Variants in CFTR observed in about 807,000 individuals in gnomAD.
The protein encoded by CFTR is cystic fibrosis transmembrane conductance regulator.
A neutral mutation model predicts 171.6 loss-of-function variants in CFTR; 181 were observed. That is an observed-to-expected ratio of 1.05 (90% CI 0.93 to 1.19). The LOEUF (loss-of-function observed/expected upper bound fraction) is 1.19. Among genes scored for constraint, CFTR ranks in the 50% most tolerant of loss-of-function variants. The pLI is 0.00. For missense variants in CFTR, 1,968 were observed against 1,734.7 expected, an observed-to-expected ratio of 1.13 and a Z score of -2.39; for synonymous variants, 583 against 608.0, an observed-to-expected ratio of 0.96 and a Z score of 0.60.
At chr7:117,600,677 T>C (rs1792209139) in intron 15 of CFTR, among the ~76,000 whole-genome samples, 3 of 152,026 alleles carry the variant, frequency 2.0e-5, no homozygotes, top group South Asian at 4.1e-4. Context: ...TTGTGAAGCA[T>C]TGAAATCTGG....
chr7:117,555,466 A>T (rs1280178631), intron 10 of CFTR, among the ~76,000 whole-genome samples: 1 of 152,216 alleles, frequency 6.6e-6, no homozygotes, highest in Non-Finnish European at 1.5e-5. Flanking sequence ...GATGCTAATC[A>T]TCTCCGTGTG....
chr7:117,553,224 GACAC>G lies in CFTR; in HGVS notation c.1392+4421_1392+4424del, dbSNP rs375658005. ...ATTTTGTTATAGCAGCCTGAACAAG[GACAC>G]ACACACACACACACACACATGCACA... On this transcript the variant is annotated intron_variant, in intron 10 of 26. Coordinates refer to ENST00000003084, the MANE Select transcript of CFTR (RefSeq NM_000492.4). 4.0e-5 allele frequency among the ~76,000 whole-genome samples: 6 copies of G among 148,968 alleles called. No individual in the cohort carries two copies. In the Admixed American group the frequency reaches 4.0e-4, roughly 10 times the overall value.
intron 3 of CFTR, among the ~76,000 whole-genome samples, chr7:117,529,720 G>T (rs558972422): frequency 6.6e-6 from 1 of 152,170 alleles, no homozygotes; most frequent in African/African-American, 2.4e-5. Flanking sequence ...GAATGATGGG[G>T]CTGGAGGTAT....
chr7:117,565,009 C>G (rs967239099), intron 11 of CFTR, among the ~76,000 whole-genome samples: 1 of 152,206 alleles, frequency 6.6e-6, no homozygotes, highest in Non-Finnish European at 1.5e-5. Context: ...CCTCCTCTTT[C>G]ATAAACAGCT....
intron 10 of CFTR, 52 bp from the exon 11 acceptor site, chr7:117,559,412 A>G: frequency 8.5e-7 from 1 of 1,172,808 alleles, no homozygotes; most frequent in Non-Finnish European, 1.3e-6. Context: ...GAGGCAAGTG[A>G]ATCCTGAGCG....
intron 11 of CFTR, among the ~76,000 whole-genome samples, chr7:117,573,059 GC>G (rs1791719453): frequency 1.1e-5 from 1 of 87,252 alleles, no homozygotes; most frequent in Non-Finnish European, 2.7e-5. Context: ...TCTCTCTCTT[GC>G]TCTCTCTCTC....
intron 11 of CFTR, among the ~76,000 whole-genome samples, chr7:117,565,106 A>G (rs1488064886): frequency 2.6e-5 from 4 of 152,170 alleles, no homozygotes; most frequent in Non-Finnish European, 4.4e-5. Flanking sequence ...TTAAAATACT[A>G]TTACGTATCC....
At chr7:117,560,648 T>A (rs1341768055) in intron 11 of CFTR, 2 of 152,086 alleles carry the variant, frequency 1.3e-5, no homozygotes, top group East Asian at 1.9e-4. Context: ...TTCAACAGTT[T>A]TTTTTTTAGA....
At chr7:117,588,108 C>T (rs1172915112) in intron 12 of CFTR, among the ~76,000 whole-genome samples, 1 of 151,956 alleles carries the variant, frequency 6.6e-6, no homozygotes, top group Non-Finnish European at 1.5e-5. Context: ...AAATGGAAAA[C>T]TCTAGGATTC....
In CFTR at chr7:117,568,821, C is replaced by T. The variant is rs904799300; in HGVS notation, c.1584+9166C>T. Among the ~76,000 whole-genome samples, 15 of 152,206 alleles carry T rather than the reference C, an allele frequency of 9.9e-5. No homozygotes were observed. The South Asian group carries it at 1.7e-3, about 17-fold the overall frequency. ...TTACATTTGTTACCAACTATAGTGG[C>T]CACACTATACAATAGAGCTCCAGGA... On this transcript the variant is annotated intron_variant, in intron 11 of 26. Transcript: ENST00000003084.
chr7:117,522,483 G>C (rs907368799), intron 3 of CFTR, among the ~76,000 whole-genome samples: 3 of 152,182 alleles, frequency 2.0e-5, no homozygotes. Flanking sequence ...TCACCATCAC[G>C]CTGGCTTACA....
At chr7:117,586,340 C>T (rs1351844878) in intron 11 of CFTR, 1 of 152,140 alleles carries the variant, frequency 6.6e-6, no homozygotes, top group African/African-American at 2.4e-5. Context: ...TTTTACTTCT[C>T]CAGTGCCTAA....
At chr7:117,647,864 G>A (rs185803003) in intron 23 of CFTR, among the ~76,000 whole-genome samples, 171 of 151,566 alleles carry the variant, frequency 1.1e-3, no homozygotes, top group African/African-American at 4.0e-3. Context: ...TTAGGATCTT[G>A]ATTTGTTCAC....
chr7:117,605,327 C>A (rs1458020135), intron 17 of CFTR, among the ~76,000 whole-genome samples: 1 of 151,934 alleles, frequency 6.6e-6, no homozygotes, highest in Non-Finnish European at 1.5e-5. Flanking sequence ...TGAAAATATA[C>A]AAATATGTTT....
rs1428378059 is a variant in CFTR at position 117,567,164 on chromosome 7, A to G, written c.1584+7509A>G. Among the ~76,000 whole-genome samples the G allele has an allele frequency of 2.6e-5, 4 of 151,910 alleles. No individual in the cohort carries two copies. The East Asian group carries it at 7.7e-4, about 29-fold the overall frequency. On this transcript the variant is annotated intron_variant, in intron 11 of 26. Coordinates refer to ENST00000003084, the MANE Select transcript of CFTR (RefSeq NM_000492.4). ...TGACATATATATGCCCGATGTTTCGACCCTCTTGAAGAATTGAGATTCTCG... is the reference window on the plus strand; with the variant it reads ...TGACATATATATGCCCGATGTTTCGGCCCTCTTGAAGAATTGAGATTCTCG...
chr7:117,501,747 C>CAAAAAAAAAAAA (rs1212853305), intron 1 of CFTR, among the ~76,000 whole-genome samples: 10 of 43,902 alleles, frequency 2.3e-4, no homozygotes, highest in Non-Finnish European at 2.9e-4. Context: ...AACTCTGTCT[C>CAAAAAAAAAAAA]AAAAAAAAAA....
chr7:117,502,869 T>C (rs1798354090), intron 1 of CFTR, among the ~76,000 whole-genome samples: 1 of 152,264 alleles, frequency 6.6e-6, no homozygotes, highest in African/African-American at 2.4e-5. Context: ...TACTCACTTA[T>C]TAATATCTTA....
chr7:117,611,007 T>C lies in CFTR; in HGVS notation c.3139+338T>C, dbSNP rs1482499125. Among the ~76,000 whole-genome samples the C allele has an allele frequency of 2.0e-5, 3 of 152,134 alleles. No individual in the cohort carries two copies. The East Asian group carries it at 5.8e-4, about 29-fold the overall frequency. On this transcript the variant is annotated intron_variant, in intron 19 of 26. Coordinates refer to ENST00000003084, the MANE Select transcript of CFTR (RefSeq NM_000492.4). ...TGCTATTACTAAAGGTTTCTCTGGG[T>C]TCCCAAATGATACTTGACCAAATTT...
intron 11 of CFTR, among the ~76,000 whole-genome samples, chr7:117,583,451 A>G (rs1791881879): frequency 6.6e-6 from 1 of 152,074 alleles, no homozygotes; most frequent in Non-Finnish European, 1.5e-5. Context: ...GAGTTACTTC[A>G]TTTAGAATAA....
Sources: gnomAD v4.1 joint callset for allele counts (sites outside exome capture counted in the v4.1 genomes callset) on GRCh38, gnomAD v4.1.1 for gene constraint, MANE v1.5 for transcripts, NCBI Gene and HGNC (gene_info 2026-07-23, HGNC 2026-07-21) for gene names.